CCDC149: variants seen among roughly 807,000 people sequenced by gnomAD.
The protein encoded by CCDC149 is coiled-coil domain containing 149.
In CCDC149, 45 loss-of-function variants were observed where a neutral mutation model predicts 59.9. That is an observed-to-expected ratio of 0.75 (90% CI 0.59 to 0.96). The LOEUF is 0.96. CCDC149 is among the 40% of genes least tolerant of loss of function. The pLI, the probability that CCDC149 is intolerant of heterozygous loss-of-function variation, is 0.00. For missense variants in CCDC149, 584 were observed against 664.7 expected, an observed-to-expected ratio of 0.88 and a Z score of 1.33; for synonymous variants, 245 against 260.6, an observed-to-expected ratio of 0.94 and a Z score of 0.58.
intron 4 of CCDC149, among the ~76,000 whole-genome samples, chr4:24,847,556 A>G (rs1309838386): frequency 6.6e-6 from 1 of 152,174 alleles, no homozygotes; most frequent in Non-Finnish European, 1.5e-5. Flanking sequence ...CAGATGCTAG[A>G]AAGTTAATTA....
At position 24,959,131 on chromosome 4, in the gene CCDC149, G is replaced by A. The variant is rs977523233; in HGVS notation, c.-65+20938C>T. ...TGGGACTACAGGCGTGTGCCACCAC[G>A]GCCAGCTAATTTTTTTGTATTTTTA... On this transcript the variant is annotated intron_variant, in intron 1 of 12. Transcript: ENST00000389609. Among the ~76,000 whole-genome samples, 7 of 152,160 alleles carry A rather than the reference G, an allele frequency of 4.6e-5. No homozygotes were observed. The South Asian group carries it at 8.3e-4, about 18-fold the overall frequency.
chr4:24,970,869 T>A (rs1723947218), intron 1 of CCDC149, among the ~76,000 whole-genome samples: 1 of 152,104 alleles, frequency 6.6e-6, no homozygotes, highest in Non-Finnish European at 1.5e-5. Flanking sequence ...GCAATGACTA[T>A]CCCTGGAGTG....
At chr4:24,936,231 G>A (rs1321187557) in intron 1 of CCDC149, among the ~76,000 whole-genome samples, 1 of 152,074 alleles carries the variant, frequency 6.6e-6, no homozygotes, top group Non-Finnish European at 1.5e-5. Context: ...GGTCAGTAGG[G>A]TCAGTGGGGG....
At chr4:24,924,937 C>A (rs554279371) in intron 1 of CCDC149, among the ~76,000 whole-genome samples, 1 of 152,162 alleles carries the variant, frequency 6.6e-6, no homozygotes, top group East Asian at 1.9e-4. Context: ...GGCTACAATA[C>A]CCATCTCATA....
intron 1 of CCDC149, among the ~76,000 whole-genome samples, chr4:24,928,449 G>C (rs1722491147): frequency 6.6e-6 from 1 of 152,182 alleles, no homozygotes; most frequent in Non-Finnish European, 1.5e-5. Context: ...AGAATGGATG[G>C]TATGCATAAA....
intron 9 of CCDC149, among the ~76,000 whole-genome samples, chr4:24,826,510 A>C (rs1715753026): frequency 6.6e-6 from 1 of 152,176 alleles, no homozygotes; most frequent in African/African-American, 2.4e-5. Context: ...CAACGGATGC[A>C]GGAAGAAAGG....
intron 12 of CCDC149, among the ~76,000 whole-genome samples, chr4:24,817,762 T>C (rs1715109785): frequency 6.6e-6 from 1 of 151,876 alleles, no homozygotes; most frequent in Non-Finnish European, 1.5e-5. Flanking sequence ...CAAAGACTCA[T>C]GAAAAACAAT....
chr4:24,929,522 C>T (rs552637377), intron 1 of CCDC149, among the ~76,000 whole-genome samples: 20 of 152,290 alleles, frequency 1.3e-4, no homozygotes, highest in African/African-American at 4.8e-4. Context: ...GATTGAATAG[C>T]CTCTCTCAGA....
intron 8 of CCDC149, among the ~76,000 whole-genome samples, chr4:24,831,895 T>G (rs1716178296): frequency 6.6e-6 from 1 of 152,238 alleles, no homozygotes; most frequent in Admixed American, 6.5e-5. Context: ...TTTGCATTTG[T>G]CTACTATTTT....
upstream of CCDC149, among the ~76,000 whole-genome samples, chr4:24,917,348 C>A (rs757398581): frequency 6.6e-6 from 1 of 152,232 alleles, no homozygotes; most frequent in African/African-American, 2.4e-5. Flanking sequence ...GCTGAACTGC[C>A]GCGCTCACAG....
chr4:24,950,840 T>C (rs1325641367), intron 1 of CCDC149, among the ~76,000 whole-genome samples: 2 of 152,188 alleles, frequency 1.3e-5, no homozygotes, highest in African/African-American at 2.4e-5. Flanking sequence ...GTAGCCACCA[T>C]TCAGAACCTC....
chr4:24,864,644 C>T (rs549407822), intron 3 of CCDC149, among the ~76,000 whole-genome samples: 187 of 152,316 alleles, frequency 1.2e-3, no homozygotes, highest in Admixed American at 4.2e-3. Context: ...GAATTAAACT[C>T]TTTCTCTATT....
chr4:24,860,315 AC>A (rs1311638721), intron 3 of CCDC149, among the ~76,000 whole-genome samples: 3 of 152,236 alleles, frequency 2.0e-5, no homozygotes, highest in Admixed American at 2.0e-4. Context: ...CTGATCTTCA[AC>A]AAAGAAAACA....
chr4:24,932,130 A>G (rs942965512), intron 1 of CCDC149, among the ~76,000 whole-genome samples: 4 of 151,980 alleles, frequency 2.6e-5, no homozygotes, highest in African/African-American at 9.7e-5. Flanking sequence ...TGTGGCTTCT[A>G]TTTTTAACTT....
In CCDC149 at chr4:24,808,529, C is replaced by T; in HGVS notation, c.1483G>A (p.Gly495Ser). 6.5e-7 allele frequency: 1 copy of T among 1,542,624 alleles called. No homozygotes were observed. Among genetic ancestry groups the T allele is most frequent in the East Asian group, 2.5e-5 (1 of 40,808 alleles). Reference sequence around the variant, plus strand: ...GGGAGCTCCCCCTGGATGGCCAGGCCTGGCGGGGCTGGCCCCGTCTCACTC... The same window carrying T: ...GGGAGCTCCCCCTGGATGGCCAGGCTTGGCGGGGCTGGCCCCGTCTCACTC... Residue 495 changes from glycine to serine, a missense_variant, in exon 13 of 13, where the codon GGC becomes AGC. By Grantham distance (56) the Gly-to-Ser change is moderately conservative (BLOSUM62 0). Coordinates refer to ENST00000635206, the MANE Select transcript of CCDC149 (RefSeq NM_001330643.2).
rs1560210691 is a variant in CCDC149 at position 24,838,358 on chromosome 4, G to C, written c.373-86C>G. On this transcript the variant is annotated intron_variant, in intron 4 of 12. Coordinates refer to ENST00000635206, the MANE Select transcript of CCDC149 (RefSeq NM_001330643.2). ...ACCAAAGGACACTAAGAAACTTTTG[G>C]AAGATAAGATACTTTCAAGAAATAC... 5 of 921,978 alleles carry C rather than the reference G, an allele frequency of 5.4e-6. No homozygotes were observed. In the Admixed American group the frequency reaches 9.3e-5, roughly 17 times the overall value. The allele number at this position is 921,978 out of a possible 1,614,324, so 57.1% of individuals were successfully genotyped here.
At chr4:24,860,392 C>G (rs1019285398) in intron 3 of CCDC149, among the ~76,000 whole-genome samples, 1 of 151,972 alleles carries the variant, frequency 6.6e-6, no homozygotes, top group Non-Finnish European at 1.5e-5. Context: ...GAAAGGCGCA[C>G]GTAGAGGAAT....
intron 3 of CCDC149, among the ~76,000 whole-genome samples, chr4:24,862,492 G>A (rs1177576936): frequency 1.3e-5 from 2 of 152,100 alleles, no homozygotes; most frequent in African/African-American, 4.8e-5. Context: ...CTGGCTACTC[G>A]CTGTGGTTTG....
intron 4 of CCDC149, among the ~76,000 whole-genome samples, chr4:24,851,768 G>A (rs1230763981): frequency 6.6e-6 from 1 of 152,056 alleles, no homozygotes; most frequent in Non-Finnish European, 1.5e-5. Flanking sequence ...ATCACTTGAG[G>A]AAGTGAGTAA....
Sources: allele counts gnomAD v4.1 joint callset (sites outside exome capture counted in the v4.1 genomes callset), GRCh38; gene constraint gnomAD v4.1.1; transcripts MANE v1.5; gene names NCBI Gene and HGNC (gene_info 2026-07-23, HGNC 2026-07-21).